The following SHISA7 variants were observed in gnomAD, a reference collection of about 807,000 sequenced individuals.
SHISA7 encodes the protein shisa family member 7.
SHISA7 carries 6 observed loss-of-function variants against 23.9 expected under a neutral mutation model. That is an observed-to-expected ratio of 0.25 (90% confidence interval 0.14 to 0.50). SHISA7 has a LOEUF of 0.50. Among genes scored for constraint, SHISA7 ranks in the 20% least tolerant of loss-of-function variants. The pLI is 0.98. For synonymous variants in SHISA7, 386 were observed against 398.3 expected (o/e 0.97, Z 0.37); for missense variants, 671 against 801.1 (o/e 0.84, Z 1.96).
chr19:55,433,062 C>A lies in SHISA7; in HGVS notation c.*94G>T. The A allele has an allele frequency of 7.2e-7, 1 of 1,386,212 alleles. No individual in the cohort carries two copies. Among genetic ancestry groups the A allele is most frequent in the Non-Finnish European group, 9.4e-7 (1 of 1,069,072 alleles). 85.9% of individuals were successfully genotyped at this position (1,386,212 alleles called of 1,614,324 possible). On this transcript the variant is annotated 3_prime_UTR_variant, in exon 4 of 4. Coordinates refer to ENST00000376325, the MANE Select transcript of SHISA7 (RefSeq NM_001145176.2). The surrounding 1 kb of genome is among the most constrained non-coding windows in gnomAD (Gnocchi z 8.4). ...ACTCCTGTCCAAGGGCCGATCTGGG[C>A]CCCAGGCCCCTGGCATGTGTGCGCC...
rs1985190338 is a variant in SHISA7, at chr19:55,431,109, T to G, written c.*2047A>C. ...ATCCTGGCAGGTGATAACACCATAG[T>G]TGAAGTGGATACTGGGAGGTAGTGG... On this transcript the variant is annotated 3_prime_UTR_variant, in exon 4 of 4. Coordinates refer to ENST00000376325, the MANE Select transcript of SHISA7 (RefSeq NM_001145176.2). 6.6e-6 allele frequency: 1 copy of G among 152,148 alleles called. No individual in the cohort carries two copies. The highest frequency in any genetic ancestry group is 6.5e-5 in the Admixed American group (1 of 15,276). The allele number at this position is 152,148 out of a possible 1,614,324, so 9.4% of individuals were successfully genotyped here. A position where few individuals can be genotyped will look rare whatever the true frequency, so the allele number is the denominator to read the frequency against.
At chr19:55,438,494 C>G in intron 2 of SHISA7, 1 of 1,271,506 alleles carries the variant, frequency 7.9e-7, no homozygotes, top group Middle Eastern at 2.6e-4. Context: ...CCTGGCATGG[C>G]TGGCCCAACA....
rs77836856 is a variant in SHISA7 at position 55,438,300 on chromosome 19, G to C, written c.827-546C>G. 5.4e-3 allele frequency among the ~76,000 whole-genome samples: 823 copies of C among 152,340 alleles called. 10 individuals are homozygous for C. The highest frequency in any genetic ancestry group is 0.018 in the African/African-American group (763 of 41,580). ...TGCTGGGGAAGAGGGCCCCAAGAGG[G>C]GGGTACTGGGCATTTGTCAGCACCC... On this transcript the variant is annotated intron_variant, in intron 2 of 3. Transcript: ENST00000376325.
intron 2 of SHISA7, chr19:55,438,594 C>T (rs1424416937): frequency 6.1e-6 from 8 of 1,304,166 alleles, no homozygotes; most frequent in Admixed American, 4.6e-5. Context: ...GGGCTGTTGA[C>T]GTTGAGGTGC....
intron 2 of SHISA7, among the ~76,000 whole-genome samples, chr19:55,437,987 C>A (rs1323475352): frequency 6.7e-6 from 1 of 149,114 alleles, no homozygotes; most frequent in Non-Finnish European, 1.5e-5. Flanking sequence ...TCCCTCAGAC[C>A]CAGGCGTCCA....
Position 55,442,954 on chromosome 19 carries a change from G to T in SHISA7, c.-91C>A. The T allele has an allele frequency of 1.8e-6, 1 of 552,022 alleles. No homozygotes were observed. Among genetic ancestry groups the T allele is most frequent in the Non-Finnish European group, 2.3e-6 (1 of 435,856 alleles). 34.2% of individuals were successfully genotyped at this position (552,022 alleles called of 1,614,324 possible). On this transcript the variant is annotated 5_prime_UTR_variant, in exon 1 of 4. Transcript: ENST00000376325. ...CTGGGCGGGAGAGAAACGGTCAGAGGGTGAGAAACGTAGAGATGGGTGGGC... is the reference window on the plus strand; with the variant it reads ...CTGGGCGGGAGAGAAACGGTCAGAGTGTGAGAAACGTAGAGATGGGTGGGC...
Position 55,442,928 on chromosome 19 carries a change from G to C in SHISA7, c.-65C>G. 1 of 1,136,198 alleles carries C rather than the reference G, an allele frequency of 8.8e-7. No homozygotes were observed. The highest frequency in any genetic ancestry group is 1.1e-6 in the Non-Finnish European group (1 of 911,060). 70.4% of individuals were successfully genotyped at this position (1,136,198 alleles called of 1,614,324 possible). The stretch of plus-strand genomic sequence containing the variant: ...GGAGAACGAGAGCAGAGGTTGGAGC[G>C]CTGGGCGGGAGAGAAACGGTCAGAG... On this transcript the variant is annotated 5_prime_UTR_variant, in exon 1 of 4. Coordinates refer to ENST00000376325, the MANE Select transcript of SHISA7 (RefSeq NM_001145176.2).
intron 3 of SHISA7, among the ~76,000 whole-genome samples, chr19:55,434,435 G>GGT (rs1278364409): frequency 2.5e-4 from 32 of 126,606 alleles, no homozygotes; most frequent in African/African-American, 8.8e-4. Context: ...GTGTGTGTGT[G>GGT]GTGTGTGTGT....
At position 55,442,283 on chromosome 19, in the gene SHISA7, C is replaced by T; in HGVS notation, c.581G>A (p.Ser194Asn). Reference sequence around the variant, plus strand: ...GCCGACGCCCACGGCCAGGGCGAAGCTGATGACCCCGCACACGACGTAGGC... The same window carrying T: ...GCCGACGCCCACGGCCAGGGCGAAGTTGATGACCCCGCACACGACGTAGGC... ...STAYVVCGVI[S>N]FALAVGVGAK... The change falls in exon 1 of 4, where the codon AGC (serine) becomes AAC (asparagine). Residue 194 changes from serine to asparagine, a missense_variant. Around this residue, in one of 5 missense-constraint regions of SHISA7, gnomAD observed 11 missense variants for 31.4 expected, o/e 0.35. Coordinates refer to ENST00000376325, the MANE Select transcript of SHISA7 (RefSeq NM_001145176.2). The T allele has an allele frequency of 6.5e-7, 1 of 1,533,118 alleles. No individual in the cohort carries two copies. The allele number at this position is 1,533,118 out of a possible 1,614,324, so 95.0% of individuals were successfully genotyped here. A position where few individuals can be genotyped will look rare whatever the true frequency, so the allele number is the denominator to read the frequency against.
intron 2 of SHISA7, chr19:55,438,744 G>T: frequency 1.5e-6 from 1 of 685,856 alleles, no homozygotes; most frequent in Admixed American, 2.4e-5. Flanking sequence ...GCAGGACCTC[G>T]TTAGAGCTCC....
intron 2 of SHISA7, chr19:55,438,752 T>A (rs1985527122): frequency 1.6e-6 from 1 of 622,326 alleles, no homozygotes; most frequent in Non-Finnish European, 2.6e-6. Context: ...TCGTTAGAGC[T>A]CCACAGATCA....
chr19:55,433,783 C>A lies in SHISA7; in HGVS notation c.990G>T (p.Leu330=), dbSNP rs1985276056. 7.0e-7 allele frequency: 1 copy of A among 1,424,578 alleles called. No homozygotes were observed. The allele number at this position is 1,424,578 out of a possible 1,614,324, so 88.2% of individuals were successfully genotyped here. A position where few individuals can be genotyped will look rare whatever the true frequency, so the allele number is the denominator to read the frequency against. The change falls in exon 4 of 4, where the codon CTG becomes CTT. Residue 330 remains leucine, a synonymous_variant. Transcript: ENST00000376325. The surrounding 1 kb of genome is among the most constrained non-coding windows in gnomAD (Gnocchi z 8.4). ...GCCGGCGCTTCAGGTAGGCCTCGTC[C>A]AGATCCTTCTCGGCTGCGGGGAGAG... ...SSLKRLAEKD[L]DEAYLKRRPL...
intron 3 of SHISA7, among the ~76,000 whole-genome samples, chr19:55,436,347 T>TTAATCCCAGCACTTTGGGAGGCC (rs1985458948): frequency 3.4e-5 from 5 of 147,778 alleles, no homozygotes; most frequent in African/African-American, 7.5e-5. Context: ...GGCTCACGCC[T>TTAATCCCAGCACTTTGGGAGGCC]TAATCCCAGC....
At position 55,433,067 on chromosome 19, in the gene SHISA7, G is replaced by C; in HGVS notation, c.*89C>G. On this transcript the variant is annotated 3_prime_UTR_variant, in exon 4 of 4. Coordinates refer to ENST00000376325, the MANE Select transcript of SHISA7 (RefSeq NM_001145176.2). This position sits in a 1 kb window ranked among gnomAD's most constrained non-coding sequence, Gnocchi z 8.4. ...TGTCCAAGGGCCGATCTGGGCCCCA[G>C]GCCCCTGGCATGTGTGCGCCTGTGT... The C allele has an allele frequency of 7.1e-7, 1 of 1,398,758 alleles. No individual in the cohort carries two copies. Among genetic ancestry groups the C allele is most frequent in the Non-Finnish European group, 9.3e-7 (1 of 1,079,126 alleles). The allele number at this position is 1,398,758 out of a possible 1,614,324, so 86.6% of individuals were successfully genotyped here.
In SHISA7 at chr19:55,440,775, G is replaced by A; in HGVS notation, c.672-10C>T. The A allele has an allele frequency of 8.1e-7, 1 of 1,240,386 alleles. No individual in the cohort carries two copies. The allele number at this position is 1,240,386 out of a possible 1,614,324, so 76.8% of individuals were successfully genotyped here. ...AATGTCCACCAGAGCTCTAAAGGTG[G>A]CAGAGAGGTGGTCAAAGGCCTGGGG... On this transcript the variant is annotated splice_polypyrimidine_tract_variant and intron_variant, in intron 1 of 3. Coordinates refer to ENST00000376325, the MANE Select transcript of SHISA7 (RefSeq NM_001145176.2).
Position 55,433,184 on chromosome 19 carries a change from G to C in SHISA7, c.1589C>G (p.Thr530Arg). ...GACAGTCACCTCGTTCTTGCTGGCCGTGCGCAGGTGCTGGGGCAGGTGGTG... is the reference window on the plus strand; with the variant it reads ...GACAGTCACCTCGTTCTTGCTGGCCCTGCGCAGGTGCTGGGGCAGGTGGTG... ...PGHHLPQHLR[T>R]ASKNEVTV is the part of the protein sequence containing the mutation. Residue 530 changes from threonine to arginine, a missense_variant, in exon 4 of 4, where the codon ACG becomes AGG. By Grantham distance (71) the Thr-to-Arg change is moderately conservative (BLOSUM62 -1). Around this residue, in one of 5 missense-constraint regions of SHISA7, gnomAD observed 457 missense variants for 488.3 expected, o/e 0.94. Transcript: ENST00000376325. This position sits in a 1 kb window ranked among gnomAD's most constrained non-coding sequence, Gnocchi z 8.4. The C allele has an allele frequency of 6.5e-7, 1 of 1,527,582 alleles. No individual in the cohort carries two copies. Among genetic ancestry groups the C allele is most frequent in the African/African-American group, 1.4e-5 (1 of 70,812 alleles). The allele number at this position is 1,527,582 out of a possible 1,614,324, so 94.6% of individuals were successfully genotyped here.
At chr19:55,437,334 C>T (rs1465885921) in intron 3 of SHISA7, among the ~76,000 whole-genome samples, 3 of 152,070 alleles carry the variant, frequency 2.0e-5, no homozygotes, top group Non-Finnish European at 4.4e-5. Flanking sequence ...TTTCCTTTAG[C>T]TGAAGTAGTA....
At position 55,431,406 on chromosome 19, in the gene SHISA7, C is replaced by T. The variant is rs748217528; in HGVS notation, c.*1750G>A. On this transcript the variant is annotated 3_prime_UTR_variant, in exon 4 of 4. Coordinates refer to ENST00000376325, the MANE Select transcript of SHISA7 (RefSeq NM_001145176.2). ...GGTGGAATCTAGGAGATGATGACAC[C>T]GTCAGCTGTGGTGGCTCCTGAAAGA... is the stretch of plus-strand genomic sequence containing the variant. The T allele has an allele frequency of 1.1e-4, 17 of 152,008 alleles. No individual in the cohort carries two copies. Among genetic ancestry groups the T allele is most frequent in the East Asian group, 5.8e-4 (3 of 5,160 alleles). The allele number at this position is 152,008 out of a possible 1,614,324, so 9.4% of individuals were successfully genotyped here.
intron 1 of SHISA7, among the ~76,000 whole-genome samples, chr19:55,441,228 C>T (rs1014062316): frequency 3.9e-5 from 6 of 152,164 alleles, no homozygotes; most frequent in Non-Finnish European, 8.8e-5. Flanking sequence ...CACTACTCAC[C>T]ACCTCTGCAA....
Sources: allele counts gnomAD v4.1 joint callset (sites outside exome capture counted in the v4.1 genomes callset), GRCh38; gene constraint gnomAD v4.1.1; regional missense constraint gnomAD v4.1.1; non-coding constraint Gnocchi (gnomAD v3.1); transcripts MANE v1.5; gene names NCBI Gene and HGNC (gene_info 2026-07-23, HGNC 2026-07-21).